The following CACNA1D variants were observed in gnomAD, a reference collection of about 807,000 sequenced individuals.
The protein encoded by CACNA1D is calcium voltage-gated channel subunit alpha1 D.
In CACNA1D, 55 loss-of-function variants were observed where a neutral mutation model predicts 257.1. The ratio of observed to expected loss-of-function variants is 0.21; its 90% CI spans 0.17 to 0.27. CACNA1D has a LOEUF of 0.27. CACNA1D is among the 10% of genes least tolerant of loss of function. The pLI, the probability that CACNA1D is intolerant of heterozygous loss-of-function variation, is 1.00. For synonymous variants in CACNA1D, 980 were observed against 1,014.9 expected (o/e 0.97, Z 0.65); for missense variants, 1,876 against 2,784.0 (o/e 0.67, Z 7.34).
At chr3:53,587,265 G>A (rs889300192) in intron 3 of CACNA1D, among the ~76,000 whole-genome samples, 11 of 152,174 alleles carry the variant, frequency 7.2e-5, no homozygotes, top group Non-Finnish European at 1.5e-4. Context: ...AGACTCTGGG[G>A]TGACTGAAGT....
At chr3:53,799,981 C>T (rs936045161) in intron 40 of CACNA1D, 5 of 511,806 alleles carry the variant, frequency 9.8e-6, no homozygotes, top group Admixed American at 3.2e-5. Context: ...AGTAACCAGG[C>T]AGTGTTCCTT....
chr3:53,715,902 A>T (rs1239809747), intron 9 of CACNA1D, among the ~76,000 whole-genome samples: 1 of 152,170 alleles, frequency 6.6e-6, no homozygotes, highest in East Asian at 1.9e-4. Context: ...CAACTAGAAC[A>T]TTTCATACAC....
At chr3:53,662,454 TC>T (rs2094213533) in intron 5 of CACNA1D, among the ~76,000 whole-genome samples, 2 of 152,178 alleles carry the variant, frequency 1.3e-5, no homozygotes, top group Admixed American at 1.3e-4. Context: ...TCCCTGTCCT[TC>T]CGTGTTGGAC....
chr3:53,788,036 C>G (rs985627913), intron 40 of CACNA1D, among the ~76,000 whole-genome samples: 1 of 152,124 alleles, frequency 6.6e-6, no homozygotes, highest in African/African-American at 2.4e-5. Context: ...GGGAAAAATG[C>G]GCAGCGTTGT....
At chr3:53,743,764 G>A (rs902582548) in intron 22 of CACNA1D, among the ~76,000 whole-genome samples, 7 of 152,194 alleles carry the variant, frequency 4.6e-5, no homozygotes, top group Non-Finnish European at 8.8e-5. Context: ...TTGCTGGCCT[G>A]TGAGCACTTC....
intron 3 of CACNA1D, among the ~76,000 whole-genome samples, chr3:53,517,587 G>A (rs769277121): frequency 5.9e-5 from 9 of 151,708 alleles, no homozygotes; most frequent in Non-Finnish European, 1.2e-4. Context: ...AGGTTCAAGC[G>A]ATTCTTCTGC....
chr3:53,595,369 C>A (rs948309857), intron 3 of CACNA1D, among the ~76,000 whole-genome samples: 1 of 152,188 alleles, frequency 6.6e-6, no homozygotes, highest in Non-Finnish European at 1.5e-5. Context: ...AGGATGGACA[C>A]CAGAGGCCAA....
intron 3 of CACNA1D, among the ~76,000 whole-genome samples, chr3:53,518,675 CACTG>C (rs1324587610): frequency 6.6e-6 from 1 of 152,212 alleles, no homozygotes; most frequent in East Asian, 1.9e-4. Context: ...ATCCTGTTGT[CACTG>C]ACCTTACTCC....
chr3:53,695,751 C>T (rs1231636348), intron 8 of CACNA1D, among the ~76,000 whole-genome samples: 3 of 152,148 alleles, frequency 2.0e-5, no homozygotes, highest in Non-Finnish European at 2.9e-5. Flanking sequence ...CAACCCATCA[C>T]CCAGTGCTTA....
At chr3:53,718,153 C>A in intron 9 of CACNA1D, 148 bp from the exon 10 acceptor site, 1 of 733,506 alleles carries the variant, frequency 1.4e-6, no homozygotes, top group Non-Finnish European at 2.5e-6. Flanking sequence ...CCTTGGCACT[C>A]CCTTAGCCCA....
intron 11 of CACNA1D, 98 bp downstream of exon 11, chr3:53,719,879 C>T: frequency 9.1e-7 from 1 of 1,097,574 alleles, no homozygotes; most frequent in South Asian, 1.2e-5. Flanking sequence ...CTTGAGTTTT[C>T]CTCTGTGGAT....
At chr3:53,542,826 G>A (rs1016494692) in intron 3 of CACNA1D, among the ~76,000 whole-genome samples, 44 of 151,964 alleles carry the variant, frequency 2.9e-4, no homozygotes, top group African/African-American at 9.2e-4. Context: ...AGGTTGAGGC[G>A]GGTGGATCAC....
At chr3:53,710,027 G>A (rs1027374760) in intron 9 of CACNA1D, among the ~76,000 whole-genome samples, 2 of 152,272 alleles carry the variant, frequency 1.3e-5, no homozygotes, top group African/African-American at 4.8e-5. Flanking sequence ...GTCCCATATG[G>A]TAGTGCTGTT....
intron 3 of CACNA1D, among the ~76,000 whole-genome samples, chr3:53,557,673 C>T (rs115642044): frequency 0.012 from 1,881 of 152,278 alleles, 20 homozygotes; most frequent in Non-Finnish European, 0.019. Flanking sequence ...TCAAAAATCA[C>T]TTGGCCATAC....
intron 47 of CACNA1D, chr3:53,810,514 T>C (rs1576753658): frequency 1.7e-6 from 1 of 604,532 alleles, no homozygotes; most frequent in East Asian, 2.9e-5. Context: ...CTCAGCACTT[T>C]GGGAGGCCGA....
At chr3:53,643,407 CT>C (rs1307298511) in intron 3 of CACNA1D, among the ~76,000 whole-genome samples, 1 of 152,100 alleles carries the variant, frequency 6.6e-6, no homozygotes, top group African/African-American at 2.4e-5. Context: ...TGCGGCTCCC[CT>C]GGGTCACCTC....
chr3:53,552,299 C>T (rs147848149), intron 3 of CACNA1D, among the ~76,000 whole-genome samples: 15 of 152,274 alleles, frequency 9.9e-5, no homozygotes, highest in African/African-American at 2.6e-4. Flanking sequence ...AGGGCTGGGT[C>T]GGAAGCTATG....
chr3:53,666,442 C>G lies in CACNA1D; in HGVS notation c.1023C>G (p.Asn341Lys). The stretch of plus-strand genomic sequence containing the variant: ...GTAGGAGTGGCTGGGTTGGCCCGAA[C>G]GGAGGCATCACCAACTTTGATAACT... Reference protein sequence around the residue: ...TECRSGWVGPNGGITNFDNFA... With the variant: ...TECRSGWVGPKGGITNFDNFA... The change falls in exon 7 of 48, where the codon AAC becomes AAG. Residue 341 changes from asparagine to lysine, a missense_variant. This residue lies in a region of CACNA1D where 188 missense variants were observed against 390.4 expected (regional missense o/e 0.48). Transcript: ENST00000350061. The G allele has an allele frequency of 1.9e-6, 3 of 1,614,146 alleles. No homozygotes were observed. Among genetic ancestry groups the G allele is most frequent in the Non-Finnish European group, 2.5e-6 (3 of 1,179,994 alleles).
At chr3:53,627,137 G>A (rs1458957766) in intron 3 of CACNA1D, among the ~76,000 whole-genome samples, 2 of 152,230 alleles carry the variant, frequency 1.3e-5, no homozygotes, top group East Asian at 3.8e-4. Flanking sequence ...GCAGATTCCT[G>A]CTGAAATTCT....
Sources: gnomAD v4.1 joint callset for allele counts (sites outside exome capture counted in the v4.1 genomes callset) on GRCh38, gnomAD v4.1.1 for gene constraint, gnomAD v4.1.1 regional missense constraint, MANE v1.5 for transcripts, NCBI Gene and HGNC (gene_info 2026-07-23, HGNC 2026-07-21) for gene names.